Variants in RPN2 observed in about 807,000 individuals in gnomAD.
RPN2 encodes the protein dolichyl-diphosphooligosaccharide--protein glycosyltransferase subunit 2.
Under a neutral mutation model 71.4 loss-of-function variants are expected in RPN2, and 29 were observed. That is an observed-to-expected ratio of 0.41 (90% CI 0.30 to 0.55). RPN2 has a LOEUF of 0.55. Ranked by LOEUF, RPN2 falls within the 20% of genes least tolerant of loss-of-function variation. RPN2 has a pLI of 0.35. For synonymous variants in RPN2, 308 were observed against 305.0 expected (o/e 1.01, Z -0.10); for missense variants, 726 against 774.1 (o/e 0.94, Z 0.74).
chr20:37,182,063 G>T (rs1206875196), intron 1 of RPN2, among the ~76,000 whole-genome samples: 2 of 151,754 alleles, frequency 1.3e-5, no homozygotes, highest in Admixed American at 1.3e-4. Flanking sequence ...CCACGTGATA[G>T]ATTTTTTCTT....
intron 9 of RPN2, among the ~76,000 whole-genome samples, chr20:37,222,259 T>C (rs1307623822): frequency 6.6e-6 from 1 of 152,180 alleles, no homozygotes; most frequent in Admixed American, 6.5e-5. Context: ...CCTCCTCCAC[T>C]GCCATAATTT....
chr20:37,235,680 GCT>G (rs1278019529), intron 15 of RPN2, among the ~76,000 whole-genome samples: 4 of 152,004 alleles, frequency 2.6e-5, no homozygotes, highest in African/African-American at 4.8e-5. Context: ...ATGGAGTCTT[GCT>G]CTGTCTCGCC....
chr20:37,187,501 C>CAAAAAAAAAAAAAAAAAAAAA, intron 2 of RPN2, among the ~76,000 whole-genome samples: 1 of 8,740 alleles, frequency 1.1e-4, no homozygotes, highest in African/African-American at 7.5e-4. Flanking sequence ...GACTCCGTCT[C>CAAAAAAAAAAAAAAAAAAAAA]AAAAAAAAAA....
At position 37,232,312 on chromosome 20, in the gene RPN2, C is replaced by T; in HGVS notation, c.1598C>T (p.Pro533Leu). The T allele has an allele frequency of 1.2e-6, 2 of 1,614,192 alleles. No homozygotes were observed. The highest frequency in any genetic ancestry group is 1.6e-4 in the Middle Eastern group (1 of 6,062). ...KQEIQHLFRE[P>L]EKRPPTVVSN... is the part of the protein sequence containing the mutation. Reference sequence around the variant, plus strand: ...TTTCGGCAGCACCTGTTCCGCGAGCCTGAGAAGAGGCCCCCCACCGTGGTG... The same window carrying T: ...TTTCGGCAGCACCTGTTCCGCGAGCTTGAGAAGAGGCCCCCCACCGTGGTG... The change falls in exon 14 of 17, where the codon CCT becomes CTT. Residue 533 changes from proline to leucine, a missense_variant. Coordinates refer to ENST00000237530, the MANE Select transcript of RPN2 (RefSeq NM_002951.5).
At chr20:37,237,703 C>T (rs1222796060) in intron 16 of RPN2, among the ~76,000 whole-genome samples, 3 of 152,200 alleles carry the variant, frequency 2.0e-5, no homozygotes, top group African/African-American at 7.2e-5. Context: ...TTAGCACCAG[C>T]AGTGGCAGCT....
At position 37,232,306 on chromosome 20, in the gene RPN2, G is replaced by T. The variant is rs887023037; in HGVS notation, c.1592G>T (p.Arg531Leu). The change falls in exon 14 of 17, where the codon CGC (arginine) becomes CTC (leucine). Residue 531 changes from arginine to leucine, a missense_variant. Transcript: ENST00000237530. The part of the protein sequence containing the change: ...TPKQEIQHLF[R>L]EPEKRPPTVV... ...TGTGTCTTTCGGCAGCACCTGTTCC[G>T]CGAGCCTGAGAAGAGGCCCCCCACC... The T allele has an allele frequency of 8.1e-6, 13 of 1,614,038 alleles. No homozygotes were observed. The highest frequency in any genetic ancestry group is 1.0e-5 in the Non-Finnish European group (12 of 1,180,026).
intron 15 of RPN2, among the ~76,000 whole-genome samples, chr20:37,236,067 C>T (rs1279645346): frequency 4.0e-5 from 6 of 150,742 alleles, no homozygotes; most frequent in Admixed American, 1.3e-4. Flanking sequence ...TGGCACAGGT[C>T]GCTGAAGTCC....
chr20:37,182,352 C>G, intron 1 of RPN2, among the ~76,000 whole-genome samples: 1 of 152,074 alleles, frequency 6.6e-6, no homozygotes, highest in Non-Finnish European at 1.5e-5. Context: ...CCTCGGCCTC[C>G]CAAAGTGCTG....
chr20:37,189,664 A>G (rs1050292495), intron 2 of RPN2, among the ~76,000 whole-genome samples: 1 of 152,214 alleles, frequency 6.6e-6, no homozygotes, highest in African/African-American at 2.4e-5. Context: ...AGTTCTGCTC[A>G]AAAGTAAGAG....
At chr20:37,201,222 C>T (rs1315303489) in intron 4 of RPN2, among the ~76,000 whole-genome samples, 1 of 150,644 alleles carries the variant, frequency 6.6e-6, no homozygotes, top group African/African-American at 2.4e-5. Flanking sequence ...AAACAGGTCC[C>T]CCTTCTTAGA....
intron 11 of RPN2, among the ~76,000 whole-genome samples, chr20:37,227,790 G>A (rs1221479981): frequency 2.6e-5 from 4 of 152,196 alleles, no homozygotes; most frequent in Non-Finnish European, 4.4e-5. Context: ...TTGGTTTCTT[G>A]TGCCATTAGT....
chr20:37,211,180 G>A (rs1352844295), intron 8 of RPN2, among the ~76,000 whole-genome samples: 1 of 151,812 alleles, frequency 6.6e-6, no homozygotes, highest in Non-Finnish European at 1.5e-5. Flanking sequence ...GATTACAGGT[G>A]TGTGACACTA....
intron 12 of RPN2, 106 bp downstream of exon 12, chr20:37,228,850 C>T (rs892687900): frequency 9.6e-7 from 1 of 1,041,758 alleles, no homozygotes; most frequent in Non-Finnish European, 1.5e-6. Context: ...TTGCCTGTGC[C>T]TCCTATAAAT....
At chr20:37,189,411 T>TAGAGTTAAATAGTTACTAGACTGGCC (rs1277265841) in intron 2 of RPN2, among the ~76,000 whole-genome samples, 1 of 152,026 alleles carries the variant, frequency 6.6e-6, no homozygotes, top group Non-Finnish European at 1.5e-5. Flanking sequence ...AGTTTAACTG[T>TAGAGTTAAATAGTTACTAGACTGGCC]AGAGTTAAAT....
Position 37,236,649 on chromosome 20 carries a change from T to G in RPN2, c.1823T>G (p.Ile608Ser). The change falls in exon 16 of 17, where the codon ATC becomes AGC. Residue 608 changes from isoleucine (I) to serine (S), a missense_variant. Physicochemically the swap from Ile to Ser is moderately radical, Grantham distance 142. Transcript: ENST00000237530. ...TTCCAGACCTTGAAGTACCTGGCCA[T>G]CCTGGGCAGTGTGACGTTTCTGGCT... ...NMFQTLKYLA[I>S]LGSVTFLAGN... 1.2e-6 allele frequency: 2 copies of G among 1,614,084 alleles called. No homozygotes were observed. Among genetic ancestry groups the G allele is most frequent in the African/African-American group, 1.3e-5 (1 of 75,044 alleles).
intron 4 of RPN2, among the ~76,000 whole-genome samples, chr20:37,203,285 A>G (rs2067435641): frequency 6.6e-6 from 1 of 152,046 alleles, no homozygotes; most frequent in African/African-American, 2.4e-5. Flanking sequence ...TAGTTGCACA[A>G]CATTGTGAAT....
At chr20:37,202,512 C>T (rs555903031) in intron 4 of RPN2, among the ~76,000 whole-genome samples, 1 of 152,292 alleles carries the variant, frequency 6.6e-6, no homozygotes, top group South Asian at 2.1e-4. Context: ...ATTAGGAAAC[C>T]ATTCGGGGTG....
intron 4 of RPN2, among the ~76,000 whole-genome samples, chr20:37,201,699 G>T (rs962097788): frequency 6.6e-6 from 1 of 152,114 alleles, no homozygotes; most frequent in South Asian, 2.1e-4. Flanking sequence ...AGAATGTCTC[G>T]TAGGGTCATT....
chr20:37,228,473 G>A, intron 11 of RPN2, 77 bp from the exon 12 acceptor site: 1 of 1,393,812 alleles, frequency 7.2e-7, no homozygotes, highest in Non-Finnish European at 1.0e-6. Flanking sequence ...ACCGTCTGCT[G>A]CCCGGTGGAT....
Sources: allele counts gnomAD v4.1 joint callset (sites outside exome capture counted in the v4.1 genomes callset), GRCh38; gene constraint gnomAD v4.1.1; transcripts MANE v1.5; gene names NCBI Gene and HGNC (gene_info 2026-07-23, HGNC 2026-07-21).